Variants in NUP214 observed in about 807,000 individuals in gnomAD.
NUP214 encodes the protein nuclear pore complex protein Nup214.
In NUP214, 79 loss-of-function variants were observed where a neutral mutation model predicts 196.2. The observed-to-expected ratio is 0.40, with a 90% CI of 0.34 to 0.49. NUP214 has a LOEUF of 0.49. NUP214 is among the 20% of genes least tolerant of loss of function. The pLI, the probability that NUP214 is intolerant of heterozygous loss-of-function variation, is 0.58. For synonymous variants in NUP214, 1,020 were observed against 990.5 expected, an observed-to-expected ratio of 1.03 and a Z score of -0.56; for missense variants, 2,468 against 2,539.0, an observed-to-expected ratio of 0.97 and a Z score of 0.60.
At chr9:131,138,418 A>G (rs1018453356) in intron 9 of NUP214, among the ~76,000 whole-genome samples, 1 of 151,904 alleles carries the variant, frequency 6.6e-6, no homozygotes, top group African/African-American at 2.4e-5. Context: ...GGATTTCACC[A>G]TGTTGACCAG....
intron 28 of NUP214, among the ~76,000 whole-genome samples, chr9:131,196,394 C>T (rs1035616906): frequency 3.3e-5 from 5 of 152,122 alleles, no homozygotes; most frequent in African/African-American, 1.2e-4. Context: ...AACTCCTGAC[C>T]TCGTGATCCA....
Position 131,187,382 on chromosome 9 carries a change from ACTT to A in NUP214, c.3495+19_3495+21del. On this transcript the variant is annotated intron_variant, in intron 25 of 35. Coordinates refer to ENST00000359428, the MANE Select transcript of NUP214 (RefSeq NM_005085.4). The stretch of plus-strand genomic sequence containing the variant: ...CCAAGCAGGTAACTTACTGATTTTT[ACTT>A]TTTTTTTTTTTTTTTTTTTGAGACA... 2 of 1,304,536 alleles carry A rather than the reference ACTT, an allele frequency of 1.5e-6. No individual in the cohort carries two copies. Among genetic ancestry groups the A allele is most frequent in the Non-Finnish European group, 2.0e-6 (2 of 976,836 alleles). The allele number at this position is 1,304,536 out of a possible 1,614,324, so 80.8% of individuals were successfully genotyped here.
intron 6 of NUP214, 116 bp from the exon 7 acceptor site, chr9:131,132,990 A>C: frequency 2.5e-6 from 2 of 803,510 alleles, no homozygotes; most frequent in Non-Finnish European, 4.2e-6. Context: ...TAGTCAATGA[A>C]ATCAGGGCCT....
At chr9:131,203,797 C>G (rs897330829) in intron 30 of NUP214, among the ~76,000 whole-genome samples, 1 of 152,116 alleles carries the variant, frequency 6.6e-6, no homozygotes, top group African/African-American at 2.4e-5. Flanking sequence ...AAATGGGGAC[C>G]TAGAGAAGTG....
chr9:131,172,381 A>G (rs1832985059), intron 21 of NUP214, among the ~76,000 whole-genome samples: 1 of 152,134 alleles, frequency 6.6e-6, no homozygotes, highest in African/African-American at 2.4e-5. Flanking sequence ...CATGTCCTTC[A>G]CCCACTTTTG....
intron 14 of NUP214, among the ~76,000 whole-genome samples, chr9:131,148,225 C>G (rs1322325617): frequency 6.6e-6 from 1 of 152,192 alleles, no homozygotes; most frequent in Admixed American, 6.5e-5. Flanking sequence ...GTTAGCCTGC[C>G]TGTACCTCCT....
intron 5 of NUP214, 29 bp downstream of exon 5, chr9:131,130,865 TTTC>T (rs1461697025): frequency 1.3e-6 from 2 of 1,598,222 alleles, no homozygotes; most frequent in Admixed American, 3.3e-5. Context: ...CTTCAGAATT[TTTC>T]TTAAGTTGCC....
At position 131,127,734 on chromosome 9, in the gene NUP214, T is replaced by C; in HGVS notation, c.241+15T>C. The C allele has an allele frequency of 2.5e-6, 4 of 1,596,480 alleles. 1 individual carries two copies. The South Asian group carries it at 4.4e-5, about 18-fold the overall frequency. ...CAACAAAATAGGTAAGTTCCCTGGT[T>C]TATGTTGCAAAGTAGAGAGAGGAGT... On this transcript the variant is annotated intron_variant, in intron 2 of 35. Transcript: ENST00000359428.
chr9:131,158,017 G>A (rs1160193019), intron 17 of NUP214, among the ~76,000 whole-genome samples: 8 of 151,426 alleles, frequency 5.3e-5, no homozygotes, highest in African/African-American at 7.3e-5. Flanking sequence ...TCCTGACCTC[G>A]AGTAATACAC....
chr9:131,223,651 C>A (rs1359204151), intron 32 of NUP214, among the ~76,000 whole-genome samples: 1 of 147,696 alleles, frequency 6.8e-6, no homozygotes. Context: ...AGCAGATTAT[C>A]TGTTTAATTT....
intron 29 of NUP214, among the ~76,000 whole-genome samples, chr9:131,200,831 G>A (rs933303998): frequency 1.3e-5 from 2 of 151,964 alleles, no homozygotes; most frequent in African/African-American, 4.8e-5. Context: ...CTTCAACCAT[G>A]TTATGCCATC....
chr9:131,134,322 G>A (rs921505846), intron 7 of NUP214, among the ~76,000 whole-genome samples: 1 of 152,188 alleles, frequency 6.6e-6, no homozygotes. Flanking sequence ...AAATAAAGCC[G>A]TGTTAGGGAT....
chr9:131,138,178 C>T (rs1433902856), intron 9 of NUP214, among the ~76,000 whole-genome samples: 2 of 150,090 alleles, frequency 1.3e-5, no homozygotes, highest in Admixed American at 1.3e-4. Flanking sequence ...CTTCTCTTTC[C>T]TTCTCCTTCC....
intron 21 of NUP214, among the ~76,000 whole-genome samples, chr9:131,171,633 A>G (rs1832960789): frequency 6.7e-6 from 1 of 149,118 alleles, no homozygotes; most frequent in Admixed American, 6.8e-5. Flanking sequence ...TACATGTGCC[A>G]TGCTGGTGTG....
chr9:131,215,402 C>T, intron 31 of NUP214, 34 bp downstream of exon 31: 1 of 1,491,052 alleles, frequency 6.7e-7, no homozygotes, highest in African/African-American at 1.4e-5. Context: ...GTCCCTTGGT[C>T]CCCTAATGCC....
intron 2 of NUP214, among the ~76,000 whole-genome samples, chr9:131,127,939 T>G (rs534558547): frequency 5.9e-5 from 9 of 152,240 alleles, no homozygotes; most frequent in Non-Finnish European, 1.0e-4. Context: ...GGGAAGAACT[T>G]AACCATTATG....
rs1564222600 is a variant in NUP214, at chr9:131,228,295, G to A, written c.6038G>A (p.Gly2013Glu). ...GGCTCGACGGGAGGCAAAGTGTTCG[G>A]AGAGGGCACTGCAGCTGCCAGCGCA... ...PLGSTGGKVF[G>E]EGTAAASAGG... The change falls in exon 33 of 36, where the codon GGA becomes GAA. Residue 2013 changes from glycine (G) to glutamate (E), a missense_variant. This residue lies in a region of NUP214 where 262 missense variants were observed against 296.5 expected (regional missense o/e 0.88). Coordinates refer to ENST00000359428, the MANE Select transcript of NUP214 (RefSeq NM_005085.4). 1 of 1,603,008 alleles carries A rather than the reference G, an allele frequency of 6.2e-7. No homozygotes were observed. Among genetic ancestry groups the A allele is most frequent in the Non-Finnish European group, 8.5e-7 (1 of 1,176,182 alleles).
chr9:131,225,373 T>A (rs1015543736), intron 32 of NUP214, among the ~76,000 whole-genome samples: 1 of 152,286 alleles, frequency 6.6e-6, no homozygotes, highest in Non-Finnish European at 1.5e-5. Flanking sequence ...GAGCCAAGAT[T>A]ATGCCACTGC....
intron 4 of NUP214, among the ~76,000 whole-genome samples, chr9:131,130,320 A>G (rs969779593): frequency 5.4e-5 from 8 of 149,044 alleles, no homozygotes; most frequent in African/African-American, 2.0e-4. Flanking sequence ...ATTTTTGTAT[A>G]TTTTAGTAGA....
Sources: allele counts gnomAD v4.1 joint callset (sites outside exome capture counted in the v4.1 genomes callset), GRCh38; gene constraint gnomAD v4.1.1; regional missense constraint gnomAD v4.1.1; transcripts MANE v1.5; gene names NCBI Gene and HGNC (gene_info 2026-07-23, HGNC 2026-07-21).